CNBD1: variants seen among roughly 807,000 people sequenced by gnomAD.
The protein encoded by CNBD1 is cyclic nucleotide-binding domain-containing protein 1.
CNBD1 carries 71 observed loss-of-function variants against 54.4 expected under a neutral mutation model. That is an observed-to-expected ratio of 1.30 (90% confidence interval 1.08 to 1.59). The LOEUF (loss-of-function observed/expected upper bound fraction) is 1.59, where lower values mean the gene tolerates loss of function less well. CNBD1 is among the 40% of genes most tolerant of loss of function. The pLI is 0.00. For missense variants in CNBD1, 659 were observed against 518.0 expected (o/e 1.27, Z -2.64); for synonymous variants, 182 against 170.7 (o/e 1.07, Z -0.51).
chr8:87,403,013 G>A (rs1333319309), intron 2 of CNBD1, among the ~76,000 whole-genome samples: 1 of 151,994 alleles, frequency 6.6e-6, no homozygotes, highest in Non-Finnish European at 1.5e-5. Flanking sequence ...TTCAGTTAAG[G>A]AGGAATTCAA....
At chr8:86,895,609 T>A (rs1808837835) in intron 2 of CNBD1, among the ~76,000 whole-genome samples, 1 of 152,170 alleles carries the variant, frequency 6.6e-6, no homozygotes, top group African/African-American at 2.4e-5. Context: ...CTCATCATCA[T>A]TTGTGTTGTT....
chr8:87,328,695 A>G (rs1292940025), intron 8 of CNBD1, among the ~76,000 whole-genome samples: 1 of 152,076 alleles, frequency 6.6e-6, no homozygotes, highest in Non-Finnish European at 1.5e-5. Context: ...TACTTTGGGT[A>G]TTTTGGACAT....
At chr8:87,359,263 C>T (rs1043041706) in intron 10 of CNBD1, among the ~76,000 whole-genome samples, 2 of 146,578 alleles carry the variant, frequency 1.4e-5, no homozygotes, top group East Asian at 1.9e-4. Flanking sequence ...CCATAGTCTG[C>T]ATACATCAGA....
chr8:87,138,768 A>C (rs909074463), intron 4 of CNBD1, among the ~76,000 whole-genome samples: 3 of 152,194 alleles, frequency 2.0e-5, no homozygotes, highest in African/African-American at 7.2e-5. Context: ...AAATTGCATA[A>C]GGTCAGGGAA....
chr8:86,922,568 A>G (rs1377990626), intron 3 of CNBD1, among the ~76,000 whole-genome samples: 4 of 152,170 alleles, frequency 2.6e-5, no homozygotes, highest in Admixed American at 2.6e-4. Flanking sequence ...ATTGTAGCCA[A>G]GTGATGACAA....
chr8:87,335,189 T>C (rs1809919382), intron 8 of CNBD1, among the ~76,000 whole-genome samples: 1 of 152,190 alleles, frequency 6.6e-6, no homozygotes, highest in South Asian at 2.1e-4. Context: ...TGTTCTTTTG[T>C]GATGGAGAGT....
chr8:87,229,709 C>CT (rs1420072615), intron 5 of CNBD1, among the ~76,000 whole-genome samples: 1 of 151,784 alleles, frequency 6.6e-6, no homozygotes, highest in Non-Finnish European at 1.5e-5. Context: ...GATCATTTTC[C>CT]TTTTTTATTC....
chr8:86,944,908 A>G lies in CNBD1; in HGVS notation c.431+5154A>G, dbSNP rs1449959692. Among the ~76,000 whole-genome samples the G allele has an allele frequency of 4.6e-5, 7 of 152,120 alleles. No homozygotes were observed. The East Asian group carries it at 1.3e-3, about 29-fold the overall frequency. On this transcript the variant is annotated intron_variant, in intron 4 of 10. Transcript: ENST00000518476. ...GTGTTAGGGATTTAGATTTGACATG[A>G]AGAATTTGATTTTCTCTCTCTTTTT... is the stretch of plus-strand genomic sequence containing the variant.
intron 1 of CNBD1, among the ~76,000 whole-genome samples, chr8:86,878,105 T>TGAGA (rs34491735): frequency 5.2e-4 from 73 of 140,968 alleles, no homozygotes; most frequent in African/African-American, 1.2e-3. Flanking sequence ...TGTGTGTGTG[T>TGAGA]GAGAGAGAGA....
At chr8:86,871,425 ATAG>A (rs1808441874) in intron 1 of CNBD1, among the ~76,000 whole-genome samples, 1 of 152,208 alleles carries the variant, frequency 6.6e-6, no homozygotes, top group Non-Finnish European at 1.5e-5. Flanking sequence ...TACTTGTCTG[ATAG>A]GACGATTAAA....
intron 3 of CNBD1, among the ~76,000 whole-genome samples, chr8:86,932,346 G>A (rs576135120): frequency 6.6e-6 from 1 of 152,166 alleles, no homozygotes; most frequent in Admixed American, 6.5e-5. Flanking sequence ...AGCTTGAAGG[G>A]GACATAACCG....
At chr8:87,295,543 C>T (rs1323615300) in intron 8 of CNBD1, among the ~76,000 whole-genome samples, 1 of 152,006 alleles carries the variant, frequency 6.6e-6, no homozygotes, top group East Asian at 1.9e-4. Flanking sequence ...ATGGAACACT[C>T]ATCTATTCAA....
chr8:87,373,287 T>C lies in CNBD1; in HGVS notation c.1304-9333T>C, dbSNP rs1344899904. On this transcript the variant is annotated intron_variant, in intron 10 of 10. Transcript: ENST00000518476. ...TCTACTGATACTTCTAATATAGCGG[T>C]ATTAGTTTAATGGTGAAGCCACCAA... is the stretch of plus-strand genomic sequence containing the variant. Among the ~76,000 whole-genome samples the C allele has an allele frequency of 3.3e-5, 5 of 151,828 alleles. No individual in the cohort carries two copies. The South Asian group carries it at 8.3e-4, about 25-fold the overall frequency.
intron 4 of CNBD1, among the ~76,000 whole-genome samples, chr8:87,199,904 C>A (rs750081011): frequency 6.6e-6 from 1 of 152,078 alleles, no homozygotes; most frequent in Admixed American, 6.6e-5. Flanking sequence ...AAACTAGTGG[C>A]TCTCAGATGC....
At chr8:86,955,923 G>A (rs1319229655) in intron 4 of CNBD1, among the ~76,000 whole-genome samples, 16 of 152,126 alleles carry the variant, frequency 1.1e-4, no homozygotes, top group Non-Finnish European at 2.4e-4. Context: ...TATCCTGAAT[G>A]GTATTGCCTA....
chr8:86,891,389 A>G (rs2131792984), intron 2 of CNBD1, among the ~76,000 whole-genome samples: 1 of 152,038 alleles, frequency 6.6e-6, no homozygotes, highest in Non-Finnish European at 1.5e-5. Flanking sequence ...TCAAAAATCA[A>G]TTTATTATAA....
chr8:87,062,500 G>A (rs1443243294), intron 4 of CNBD1, among the ~76,000 whole-genome samples: 2 of 152,132 alleles, frequency 1.3e-5, no homozygotes, highest in Non-Finnish European at 2.9e-5. Context: ...CACTTTGTGA[G>A]GCCAAGGTGG....
chr8:87,285,652 G>C (rs11787053), intron 7 of CNBD1, among the ~76,000 whole-genome samples: 42,590 of 151,536 alleles, frequency 0.28, 6,380 homozygotes, highest in African/African-American at 0.39. Context: ...AGGCAGATCA[G>C]CTGAGGTCGA....
At chr8:87,379,053 G>T (rs1481407392) in intron 10 of CNBD1, among the ~76,000 whole-genome samples, 1 of 150,646 alleles carries the variant, frequency 6.6e-6, no homozygotes, top group Admixed American at 6.7e-5. Context: ...GGAGATTTGG[G>T]GCTGAGACAA....
Sources: gnomAD v4.1 joint callset for allele counts (sites outside exome capture counted in the v4.1 genomes callset) on GRCh38, gnomAD v4.1.1 for gene constraint, MANE v1.5 for transcripts, NCBI Gene and HGNC (gene_info 2026-07-23, HGNC 2026-07-21) for gene names.